MKLN1: variants seen among roughly 807,000 people sequenced by gnomAD.
The protein encoded by MKLN1 is muskelin 1.
MKLN1 carries 18 observed loss-of-function variants against 99.0 expected under a neutral mutation model. The observed-to-expected ratio is 0.18, with a 90% CI of 0.13 to 0.27. The LOEUF (loss-of-function observed/expected upper bound fraction) is 0.27. MKLN1 is among the 10% of genes least tolerant of loss of function. The pLI, the probability that MKLN1 is intolerant of heterozygous loss-of-function variation, is 1.00. For synonymous variants in MKLN1, 288 were observed against 293.2 expected, an observed-to-expected ratio of 0.98 and a Z score of 0.18; for missense variants, 621 against 875.9, an observed-to-expected ratio of 0.71 and a Z score of 3.67.
At chr7:131,197,224 G>A (rs1468284668) in intron 2 of MKLN1, among the ~76,000 whole-genome samples, 1 of 151,776 alleles carries the variant, frequency 6.6e-6, no homozygotes, top group Non-Finnish European at 1.5e-5. Flanking sequence ...TTTTTTTTGA[G>A]ACAGGGTCTC....
At chr7:131,290,476 G>A (rs987342483) in intron 3 of MKLN1, among the ~76,000 whole-genome samples, 1 of 152,146 alleles carries the variant, frequency 6.6e-6, no homozygotes, top group Non-Finnish European at 1.5e-5. Context: ...TTCATTCTCT[G>A]ATGTATCCCA....
chr7:131,134,255 T>TC (rs1435265397), intron 1 of MKLN1, among the ~76,000 whole-genome samples: 3 of 152,186 alleles, frequency 2.0e-5, no homozygotes, highest in Non-Finnish European at 4.4e-5. Context: ...TCATGTCTCT[T>TC]TCCTTGCAGA....
chr7:131,120,769 A>G (rs563405914), intron 1 of MKLN1, among the ~76,000 whole-genome samples: 11 of 152,126 alleles, frequency 7.2e-5, no homozygotes, highest in Non-Finnish European at 1.6e-4. Flanking sequence ...CCATATCACT[A>G]TCAGCATTTT....
intron 3 of MKLN1, among the ~76,000 whole-genome samples, chr7:131,272,191 G>T (rs1401936437): frequency 6.6e-6 from 1 of 152,194 alleles, no homozygotes; most frequent in African/African-American, 2.4e-5. Context: ...TGGGTGGAAG[G>T]CTACATGCAG....
At chr7:131,276,544 T>C (rs1026800742) in intron 3 of MKLN1, among the ~76,000 whole-genome samples, 5 of 152,140 alleles carry the variant, frequency 3.3e-5, no homozygotes, top group Non-Finnish European at 7.4e-5. Flanking sequence ...TGTGTGTTGA[T>C]TTGGGGCACA....
intron 6 of MKLN1, among the ~76,000 whole-genome samples, chr7:131,406,544 T>A (rs1180220990): frequency 2.0e-5 from 3 of 152,020 alleles, no homozygotes; most frequent in African/African-American, 7.2e-5. Flanking sequence ...ACAGCAATTG[T>A]TCATTAATTT....
intron 3 of MKLN1, among the ~76,000 whole-genome samples, chr7:131,233,401 T>TAAATAAATAAAC (rs1478502795): frequency 6.9e-6 from 1 of 144,324 alleles, no homozygotes. Context: ...AATAAATAAA[T>TAAATAAATAAAC]AAATAAAAAT....
At chr7:131,316,611 C>T (rs994538342) in intron 3 of MKLN1, among the ~76,000 whole-genome samples, 3 of 152,078 alleles carry the variant, frequency 2.0e-5, no homozygotes, top group Non-Finnish European at 2.9e-5. Context: ...ATGAGATTAA[C>T]GAATTGACAG....
At chr7:131,407,849 C>T (rs1434505457) in intron 6 of MKLN1, among the ~76,000 whole-genome samples, 1 of 152,048 alleles carries the variant, frequency 6.6e-6, no homozygotes, top group Non-Finnish European at 1.5e-5. Flanking sequence ...CACTGAATCA[C>T]TCCTTCCTCC....
chr7:131,178,220 G>A (rs939954840), intron 2 of MKLN1, among the ~76,000 whole-genome samples: 1 of 149,658 alleles, frequency 6.7e-6, no homozygotes, highest in Non-Finnish European at 1.5e-5. Flanking sequence ...GGGTTCAAGC[G>A]ATTCTCCTGC....
chr7:131,303,657 G>T (rs1019510054), intron 3 of MKLN1, among the ~76,000 whole-genome samples: 1 of 152,166 alleles, frequency 6.6e-6, no homozygotes, highest in African/African-American at 2.4e-5. Context: ...AGGAATGCAC[G>T]CACTTGAGAA....
chr7:131,416,791 A>G (rs1016460698), intron 8 of MKLN1, among the ~76,000 whole-genome samples: 2 of 151,840 alleles, frequency 1.3e-5, no homozygotes, highest in Admixed American at 6.6e-5. Context: ...AGACCAGCCT[A>G]GGCAGCATAG....
chr7:131,430,845 T>G (rs2116438768), intron 9 of MKLN1, among the ~76,000 whole-genome samples: 1 of 152,318 alleles, frequency 6.6e-6, no homozygotes, highest in East Asian at 1.9e-4. Flanking sequence ...GGAGGACTGC[T>G]TGAGGATTGG....
chr7:131,348,819 A>G (rs184716837), intron 1 of MKLN1, among the ~76,000 whole-genome samples: 17 of 152,322 alleles, frequency 1.1e-4, no homozygotes, highest in African/African-American at 3.6e-4. Flanking sequence ...TTGAGACAGT[A>G]TGGTATAGAG....
Position 131,327,879 on chromosome 7 carries a change from G to A in MKLN1, c.-21G>A, listed in dbSNP as rs758340844. The A allele has an allele frequency of 3.7e-6, 6 of 1,608,394 alleles. No individual in the cohort carries two copies. Among genetic ancestry groups the A allele is most frequent in the East Asian group, 2.2e-5 (1 of 44,778 alleles). On this transcript the variant is annotated 5_prime_UTR_variant, in exon 1 of 18. Coordinates refer to ENST00000352689, the MANE Select transcript of MKLN1 (RefSeq NM_013255.5). Reference sequence around the variant, plus strand: ...CCGTTCGCTGCCAGCGGTCGGTGGCGGCCGCTACGGTGCTGACAAGATGGC... The same window carrying A: ...CCGTTCGCTGCCAGCGGTCGGTGGCAGCCGCTACGGTGCTGACAAGATGGC...
intron 3 of MKLN1, among the ~76,000 whole-genome samples, chr7:131,275,557 ATATATATATATTTTTTTTTTT>A (rs1403394729): frequency 0.01 from 160 of 15,654 alleles, 1 homozygote; most frequent in African/African-American, 0.049. Context: ...ATATATATAT[ATATATATATATTTTTTTTTTT>A]TTTTTTTTTT....
intron 2 of MKLN1, among the ~76,000 whole-genome samples, chr7:131,376,889 T>A (rs1271388631): frequency 6.6e-6 from 1 of 152,018 alleles, no homozygotes; most frequent in Non-Finnish European, 1.5e-5. Flanking sequence ...TTTAATTTTT[T>A]TGGCTTTGAC....
At chr7:131,431,820 C>T (rs1346550455) in intron 9 of MKLN1, among the ~76,000 whole-genome samples, 1 of 152,232 alleles carries the variant, frequency 6.6e-6, no homozygotes, top group African/African-American at 2.4e-5. Flanking sequence ...CCTCATCTCC[C>T]ATGTGCCAGT....
chr7:131,210,519 G>A (rs1439446113), intron 3 of MKLN1, among the ~76,000 whole-genome samples: 4 of 149,768 alleles, frequency 2.7e-5, no homozygotes, highest in Non-Finnish European at 4.4e-5. Context: ...GGGACAGAGT[G>A]AGACTGTATC....
Sources: allele counts gnomAD v4.1 joint callset (sites outside exome capture counted in the v4.1 genomes callset), GRCh38; gene constraint gnomAD v4.1.1; transcripts MANE v1.5; gene names NCBI Gene and HGNC (gene_info 2026-07-23, HGNC 2026-07-21).